The following CCDC18 variants were observed in gnomAD, a reference collection of about 807,000 sequenced individuals.
CCDC18 encodes coiled-coil domain containing 18.
CCDC18 carries 157 observed loss-of-function variants against 196.0 expected under a neutral mutation model. The observed-to-expected ratio is 0.80, with a 90% CI of 0.70 to 0.91. CCDC18 has a LOEUF of 0.91. Among genes scored for constraint, CCDC18 ranks in the 40% least tolerant of loss-of-function variants. The probability of loss-of-function intolerance (pLI) is 0.00; values close to 1 mark genes in which losing one functional copy is unlikely to be tolerated. For synonymous variants in CCDC18, 482 were observed against 529.2 expected, an observed-to-expected ratio of 0.91 and a Z score of 1.22; for missense variants, 1,465 against 1,611.6, an observed-to-expected ratio of 0.91 and a Z score of 1.56.
chr1:93,212,537 A>G (rs1000027098), intron 11 of CCDC18, among the ~76,000 whole-genome samples: 10 of 152,028 alleles, frequency 6.6e-5, no homozygotes, highest in African/African-American at 2.4e-4. Context: ...GTTCCCCTCT[A>G]TGTTTCCATG....
rs1224165162 is a variant in CCDC18, at chr1:93,270,958, T to C, written c.4353+144T>C. ...TTTACATTTTATACATTAAGTAAAA[T>C]CAATACCAAAAGACATTTTCTCTAT... On this transcript the variant is annotated intron_variant, in intron 28 of 28. Transcript: ENST00000690025. The C allele has an allele frequency of 4.3e-6, 6 of 1,387,538 alleles. No individual in the cohort carries two copies. In the African/African-American group the frequency reaches 8.8e-5, roughly 20 times the overall value. 86.0% of individuals were successfully genotyped at this position (1,387,538 alleles called of 1,614,324 possible).
chr1:93,180,027 G>A, upstream of CCDC18: 2 of 1,602,796 alleles, frequency 1.2e-6, no homozygotes, highest in Non-Finnish European at 1.7e-6. Flanking sequence ...GTTAAAGGAA[G>A]GAGGCTGGTT....
chr1:93,240,156 A>T (rs1660584406), intron 21 of CCDC18, among the ~76,000 whole-genome samples: 1 of 152,226 alleles, frequency 6.6e-6, no homozygotes, highest in Non-Finnish European at 1.5e-5. Flanking sequence ...GCAGTGGCTA[A>T]CAGCAGGAGG....
rs1418218024 is a variant in CCDC18 at position 93,256,494 on chromosome 1, C to T, written c.3502C>T (p.Leu1168Phe). The stretch of plus-strand genomic sequence containing the variant: ...CCAAGCACAGAGAGAAATAGAAAGG[C>T]TCTCTAGTGAACTGGAGGATATGAA... ...QVQAQREIER[L>F]SSELEDMKQL... The change falls in exon 25 of 29, where the codon CTC becomes TTC. Residue 1168 changes from leucine (L) to phenylalanine (F), a missense_variant. By Grantham distance (22) the Leu-to-Phe change is conservative. Transcript: ENST00000690025. 4 of 1,614,010 alleles carry T rather than the reference C, an allele frequency of 2.5e-6. No homozygotes were observed. The highest frequency in any genetic ancestry group is 3.4e-6 in the Non-Finnish European group (4 of 1,179,944).
At chr1:93,211,201 C>A (rs561513928) in intron 10 of CCDC18, among the ~76,000 whole-genome samples, 15 of 151,594 alleles carry the variant, frequency 9.9e-5, no homozygotes, top group African/African-American at 3.6e-4. Context: ...TCACTTGAAC[C>A]CGGGAGGCGG....
At chr1:93,235,689 T>G (rs764623542) in intron 18 of CCDC18, among the ~76,000 whole-genome samples, 1 of 151,884 alleles carries the variant, frequency 6.6e-6, no homozygotes, top group African/African-American at 2.4e-5. Flanking sequence ...GTAGAGAGAC[T>G]GAAGATATTG....
At chr1:93,190,885 T>C in intron 4 of CCDC18, 2 of 730,590 alleles carry the variant, frequency 2.7e-6, no homozygotes, top group East Asian at 2.7e-5. Flanking sequence ...AGTTTCAGCC[T>C]TTTTCTGGAA....
chr1:93,242,290 C>T (rs1292232154), intron 21 of CCDC18, among the ~76,000 whole-genome samples: 1 of 151,876 alleles, frequency 6.6e-6, no homozygotes, highest in Non-Finnish European at 1.5e-5. Context: ...GCCTCACAAT[C>T]ATGGTGGAAG....
chr1:93,239,143 G>A (rs907803829), intron 19 of CCDC18, among the ~76,000 whole-genome samples, 167 bp from the exon 20 acceptor site: 6 of 151,228 alleles, frequency 4.0e-5, no homozygotes, highest in African/African-American at 1.5e-4. Context: ...AATGTGTAAA[G>A]GAATAGTTTT....
chr1:93,210,887 G>T lies in CCDC18; in HGVS notation c.1295G>T (p.Gly432Val), dbSNP rs1440113028. 9.3e-6 allele frequency: 15 copies of T among 1,613,696 alleles called. No homozygotes were observed. The African/African-American group carries it at 2.0e-4, about 22-fold the overall frequency. ...SFSNKEDRCI[G>V]CCEANKLVIS... ...TCAAACAAGGAAGACCGTTGCATTG[G>T]CTGCTGTGAGGCAAATAAATTGGTG... The change falls in exon 10 of 29, where the codon GGC (glycine) becomes GTC (valine). Residue 432 changes from glycine (G) to valine (V), a missense_variant. Physicochemically the swap from Gly to Val is moderately radical, Grantham distance 109 (BLOSUM62 -3). Transcript: ENST00000690025.
chr1:93,277,996 A>T (rs1208164059), intron 28 of CCDC18, among the ~76,000 whole-genome samples: 1 of 151,500 alleles, frequency 6.6e-6, no homozygotes, highest in Non-Finnish European at 1.5e-5. Context: ...ATTTTATTTT[A>T]TTTTTTTGAG....
rs1338222501 is a variant in CCDC18, at chr1:93,207,487, T to G, written c.1209+89T>G. 6.4e-6 allele frequency: 6 copies of G among 935,738 alleles called. No homozygotes were observed. In the African/African-American group the frequency reaches 1.0e-4, roughly 16 times the overall value. 58.0% of individuals were successfully genotyped at this position (935,738 alleles called of 1,614,324 possible). On this transcript the variant is annotated intron_variant, in intron 9 of 28. Coordinates refer to ENST00000690025, the MANE Select transcript of CCDC18 (RefSeq NM_001378204.1). ...TCATTTTGTGGTTGCTTTATTAGCT[T>G]CTAATTTCTTTTTCTCTATACTTTT... is the stretch of plus-strand genomic sequence containing the variant.
In CCDC18 at chr1:93,268,582, A is replaced by G. The variant is rs537010301; in HGVS notation, c.3886-1765A>G. ...TACAAAGAACTTAAACAAATTTACA[A>G]GAAAAAAACAACCCCATCAAAAAGT... On this transcript the variant is annotated intron_variant, in intron 27 of 28. Coordinates refer to ENST00000690025, the MANE Select transcript of CCDC18 (RefSeq NM_001378204.1). Among the ~76,000 whole-genome samples the G allele has an allele frequency of 4.5e-4, 50 of 111,186 alleles. 1 individual carries two copies. In the South Asian group the frequency reaches 0.012, roughly 27 times the overall value. 72.9% of individuals were successfully genotyped at this position (111,186 alleles called of 152,430 possible).
Position 93,270,646 on chromosome 1 carries a change from TCTGA to T in CCDC18, c.4188_4191del (p.Tyr1398ProfsTer13). The T allele has an allele frequency of 6.5e-7, 1 of 1,550,380 alleles. No homozygotes were observed. The stretch of plus-strand genomic sequence containing the variant: ...CAACATTAGAAGAAAGCCATAAGAA[TCTGA>T]CTTACACCCAGCCAGACTCATTTAA... On this transcript the variant is annotated frameshift_variant, in exon 28 of 29. Transcript: ENST00000690025. LOFTEE classifies it high-confidence loss of function.
At chr1:93,216,435 C>G (rs1656486491) in intron 12 of CCDC18, among the ~76,000 whole-genome samples, 1 of 152,086 alleles carries the variant, frequency 6.6e-6, no homozygotes, top group African/African-American at 2.4e-5. Context: ...TCTTAATTGT[C>G]ACTTATTTTG....
intron 27 of CCDC18, among the ~76,000 whole-genome samples, chr1:93,266,624 C>T (rs954250366): frequency 6.6e-6 from 1 of 152,220 alleles, no homozygotes; most frequent in African/African-American, 2.4e-5. Flanking sequence ...CACCACTGAT[C>T]CCATAGAAAT....
At chr1:93,221,771 T>G in intron 15 of CCDC18, 28 bp downstream of exon 15, 1 of 1,596,562 alleles carries the variant, frequency 6.3e-7, no homozygotes, top group Non-Finnish European at 8.5e-7. Flanking sequence ...AAAGTGCTAT[T>G]TAGAAGTTGA....
chr1:93,268,977 G>A (rs1664911361), intron 27 of CCDC18, among the ~76,000 whole-genome samples: 1 of 152,074 alleles, frequency 6.6e-6, no homozygotes, highest in African/African-American at 2.4e-5. Flanking sequence ...ACATGCACAT[G>A]TATGTTTATT....
intron 28 of CCDC18, among the ~76,000 whole-genome samples, chr1:93,271,966 C>T (rs1665308813): frequency 1.3e-5 from 2 of 152,088 alleles, no homozygotes; most frequent in Admixed American, 1.3e-4. Context: ...TCCTCGTATT[C>T]CTTATGTTCC....
Sources: allele counts gnomAD v4.1 joint callset (sites outside exome capture counted in the v4.1 genomes callset), GRCh38; gene constraint gnomAD v4.1.1; transcripts MANE v1.5; gene names NCBI Gene and HGNC (gene_info 2026-07-23, HGNC 2026-07-21).